The following TNN variants were observed in gnomAD, a reference collection of about 807,000 sequenced individuals.
The protein encoded by TNN is tenascin N.
TNN carries 122 observed loss-of-function variants against 134.4 expected under a neutral mutation model. The ratio of observed to expected loss-of-function variants is 0.91; its 90% CI spans 0.78 to 1.06. TNN has a LOEUF of 1.06. TNN is among the 50% of genes least tolerant of loss of function. The pLI, the probability that TNN is intolerant of heterozygous loss-of-function variation, is 0.00. For synonymous variants in TNN, 710 were observed against 670.3 expected (o/e 1.06, Z -0.91); for missense variants, 1,739 against 1,699.4 (o/e 1.02, Z -0.41).
intron 2 of TNN, among the ~76,000 whole-genome samples, chr1:175,078,202 A>G (rs1674101139): frequency 6.6e-6 from 1 of 152,194 alleles, no homozygotes; most frequent in Admixed American, 6.5e-5. Flanking sequence ...TACAAATCCC[A>G]GTTCTACCAC....
chr1:175,077,249 G>A, intron 1 of TNN, 135 bp from the exon 2 acceptor site: 1 of 724,358 alleles, frequency 1.4e-6, no homozygotes, highest in Non-Finnish European at 2.3e-6. Flanking sequence ...ATTTGGTTCG[G>A]ATCCTTGGGA....
rs1384085925 is a variant in TNN at position 175,125,682 on chromosome 1, CTT to C, written c.2915-1271_2915-1270del. On this transcript the variant is annotated intron_variant, in intron 12 of 18. Transcript: ENST00000239462. ...CCTTCCTTCTCTCCCTCCCTCCCTC[CTT>C]TCTTTCTCTCTTTTTTCTCTCTTTC... Among the ~76,000 whole-genome samples, 9 of 81,348 alleles carry C rather than the reference CTT, an allele frequency of 1.1e-4. 1 individual carries two copies. Among genetic ancestry groups the C allele is most frequent in the African/African-American group, 1.4e-4 (3 of 21,324 alleles). 53.4% of individuals were successfully genotyped at this position (81,348 alleles called of 152,430 possible). A position where few individuals can be genotyped will look rare whatever the true frequency, so the allele number is the denominator to read the frequency against.
Position 175,106,811 on chromosome 1 carries a change from G to A in TNN, c.2119+8216G>A, listed in dbSNP as rs191809051. 5.0e-3 allele frequency among the ~76,000 whole-genome samples: 722 copies of A among 145,744 alleles called. 43 individuals carry two copies. Among genetic ancestry groups the A allele is most frequent in the African/African-American group, 0.017 (698 of 40,524 alleles). On this transcript the variant is annotated intron_variant, in intron 9 of 18. Coordinates refer to ENST00000239462, the MANE Select transcript of TNN (RefSeq NM_022093.2). ...CTCAGCCCAGAAGTACAGGAAAAGC[G>A]GAAGCTGGTTCTAGGCAAACCAACG... is the stretch of plus-strand genomic sequence containing the variant.
rs367763112 is a variant in TNN, at chr1:175,122,201, G to T, written c.2651-1199G>T. ...AGCTCAGGAGTTCAAGACCAGCCTGGTGAAATCCTGTCTTTACAAAAAAAA... is the reference window on the plus strand; with the variant it reads ...AGCTCAGGAGTTCAAGACCAGCCTGTTGAAATCCTGTCTTTACAAAAAAAA... On this transcript the variant is annotated intron_variant, in intron 11 of 18. Coordinates refer to ENST00000239462, the MANE Select transcript of TNN (RefSeq NM_022093.2). Among the ~76,000 whole-genome samples the T allele has an allele frequency of 5.6e-5, 8 of 142,644 alleles. No individual in the cohort carries two copies. The South Asian group carries it at 1.4e-3, about 24-fold the overall frequency. The allele number at this position is 142,644 out of a possible 152,430, so 93.6% of individuals were successfully genotyped here. A position where few individuals can be genotyped will look rare whatever the true frequency, so the allele number is the denominator to read the frequency against.
intron 6 of TNN, among the ~76,000 whole-genome samples, chr1:175,087,700 A>G (rs1440448152): frequency 6.6e-6 from 1 of 152,208 alleles, no homozygotes; most frequent in East Asian, 1.9e-4. Context: ...TTCAATTCAT[A>G]TCTGACATTG....
chr1:175,130,173 C>T (rs76055809), intron 15 of TNN, among the ~76,000 whole-genome samples: 178 of 152,282 alleles, frequency 1.2e-3, no homozygotes, highest in Non-Finnish European at 2.2e-3. Flanking sequence ...GCTGTGCATC[C>T]GCAACTCACT....
chr1:175,076,767 A>C (rs1674049621), intron 1 of TNN, among the ~76,000 whole-genome samples: 1 of 152,146 alleles, frequency 6.6e-6, no homozygotes, highest in Non-Finnish European at 1.5e-5. Flanking sequence ...TGTGGGGATG[A>C]GCATGGACTC....
At chr1:175,080,533 A>C (rs1674176134) in intron 4 of TNN, 107 bp downstream of exon 4, 7 of 1,323,122 alleles carry the variant, frequency 5.3e-6, no homozygotes, top group East Asian at 4.7e-5. Context: ...GGTTTGAAAA[A>C]CACACCTGCC....
intron 4 of TNN, 117 bp downstream of exon 4, chr1:175,080,543 C>T (rs1674176519): frequency 4.0e-6 from 5 of 1,250,938 alleles, no homozygotes; most frequent in South Asian, 2.8e-5. Context: ...ACACACCTGC[C>T]ACAATCCTAG....
rs1674165087 is a variant in TNN, at chr1:175,080,152, T to C, written c.785-11T>C. ...CTCACCCTCTCTGCCCTGTTCCTGT[T>C]CTGCCTGCAGTGGTCACCCCACAGG... On this transcript the variant is annotated splice_polypyrimidine_tract_variant and intron_variant, in intron 3 of 18. Transcript: ENST00000239462. The C allele has an allele frequency of 6.2e-7, 1 of 1,613,144 alleles. No individual in the cohort carries two copies. The highest frequency in any genetic ancestry group is 2.2e-5 in the East Asian group (1 of 44,858).
intron 16 of TNN, 112 bp downstream of exon 16, chr1:175,136,053 A>G (rs1675801441): frequency 1.3e-6 from 1 of 743,452 alleles, no homozygotes; most frequent in Non-Finnish European, 2.4e-6. Context: ...CCCCAGTGGC[A>G]GGGAGACAGA....
chr1:175,137,682 T>A (rs1177794950), intron 17 of TNN, among the ~76,000 whole-genome samples: 1 of 152,222 alleles, frequency 6.6e-6, no homozygotes, highest in Non-Finnish European at 1.5e-5. Flanking sequence ...GGAGGTGTGG[T>A]CATTGTTTTA....
chr1:175,114,422 T>C (rs1574162170), intron 9 of TNN, among the ~76,000 whole-genome samples: 1 of 152,346 alleles, frequency 6.6e-6, no homozygotes, highest in East Asian at 1.9e-4. Context: ...GCTATTCTAT[T>C]CTTATTTTCT....
chr1:175,085,334 A>T, intron 5 of TNN, 71 bp from the exon 6 acceptor site: 1 of 941,174 alleles, frequency 1.1e-6, no homozygotes, highest in South Asian at 1.4e-5. Flanking sequence ...GAGAAATCCC[A>T]GGGAGGAGTA....
intron 10 of TNN, among the ~76,000 whole-genome samples, chr1:175,117,906 C>T (rs572861601): frequency 1.4e-4 from 21 of 152,258 alleles, no homozygotes; most frequent in Admixed American, 1.1e-3. Flanking sequence ...TTAGTGGAAG[C>T]GATATCTAAC....
chr1:175,119,644 T>C (rs1470546147), intron 11 of TNN, among the ~76,000 whole-genome samples: 2 of 148,470 alleles, frequency 1.3e-5, no homozygotes, highest in East Asian at 2.0e-4. Flanking sequence ...TTTTCTTTTT[T>C]TTTTTTTTTT....
chr1:175,071,965 A>G (rs1424670416), intron 1 of TNN, among the ~76,000 whole-genome samples: 4 of 152,184 alleles, frequency 2.6e-5, no homozygotes, highest in African/African-American at 9.7e-5. Flanking sequence ...CAACACAGTC[A>G]TGGCCCTCTC....
chr1:175,079,746 C>T, intron 3 of TNN, 39 bp downstream of exon 3: 1 of 1,535,920 alleles, frequency 6.5e-7, no homozygotes. Flanking sequence ...CCGGACTCTT[C>T]TTTCCAATGC....
intron 12 of TNN, 38 bp downstream of exon 12, chr1:175,123,701 T>C (rs778732456): frequency 6.2e-7 from 1 of 1,610,470 alleles, no homozygotes; most frequent in Non-Finnish European, 8.5e-7. Context: ...CACCTCACAC[T>C]TATCAGGAGA....
Sources: allele counts gnomAD v4.1 joint callset (sites outside exome capture counted in the v4.1 genomes callset), GRCh38; gene constraint gnomAD v4.1.1; transcripts MANE v1.5; gene names NCBI Gene and HGNC (gene_info 2026-07-23, HGNC 2026-07-21).